Variants in VEPH1 observed in about 807,000 individuals in gnomAD.
The protein encoded by VEPH1 is ventricular zone expressed PH domain containing 1.
VEPH1 carries 80 observed loss-of-function variants against 85.2 expected under a neutral mutation model. The ratio of observed to expected loss-of-function variants is 0.94; its 90% CI spans 0.78 to 1.13. VEPH1 has a LOEUF of 1.13. Ranked by LOEUF, VEPH1 falls within the 50% of genes most tolerant of loss-of-function variation. VEPH1 has a pLI of 0.00. For synonymous variants in VEPH1, 297 were observed against 348.0 expected, an observed-to-expected ratio of 0.85 and a Z score of 1.63; for missense variants, 955 against 980.5, an observed-to-expected ratio of 0.97 and a Z score of 0.35.
chr3:157,375,093 A>G (rs888929459), intron 7 of VEPH1, among the ~76,000 whole-genome samples: 5 of 152,190 alleles, frequency 3.3e-5, no homozygotes, highest in African/African-American at 1.2e-4. Context: ...ATTACGCTCT[A>G]CTATGAAGTT....
At chr3:157,437,997 T>C (rs954048397) in intron 4 of VEPH1, 2 of 1,457,510 alleles carry the variant, frequency 1.4e-6, no homozygotes, top group African/African-American at 3.0e-5. Context: ...CCAGGCAACC[T>C]TCTAGGGGAA....
chr3:157,475,156 T>TTTTTC lies in VEPH1; in HGVS notation c.139-4628_139-4627insGAAAA, dbSNP rs1491229380. Among the ~76,000 whole-genome samples the TTTTTC allele has an allele frequency of 4.4e-5, 3 of 68,460 alleles. No homozygotes were observed. In the East Asian group the frequency reaches 1.5e-3, roughly 34 times the overall value. The allele number at this position is 68,460 out of a possible 152,430, so 44.9% of individuals were successfully genotyped here. ...CACCATTCCCAGCTAATTTTTTTAA[T>TTTTTC]TTTTTTTTTTTTTTTTGTAGAGATG... On this transcript the variant is annotated intron_variant, in intron 2 of 13. Coordinates refer to ENST00000362010, the MANE Select transcript of VEPH1 (RefSeq NM_001167912.2).
chr3:157,481,466 A>ACCC (rs60332684), intron 2 of VEPH1, among the ~76,000 whole-genome samples: 1 of 48,236 alleles, frequency 2.1e-5, no homozygotes, highest in Admixed American at 3.0e-4. Flanking sequence ...ACACACACAC[A>ACCC]AAAAAAAAAA....
chr3:157,448,242 GC>G (rs780947203), intron 4 of VEPH1, among the ~76,000 whole-genome samples: 1 of 151,978 alleles, frequency 6.6e-6, no homozygotes, highest in Non-Finnish European at 1.5e-5. Flanking sequence ...CCAGGTCATT[GC>G]CAGCAAGTAA....
intron 4 of VEPH1, chr3:157,437,165 A>G: frequency 6.9e-7 from 1 of 1,456,534 alleles, no homozygotes; most frequent in Non-Finnish European, 9.5e-7. Flanking sequence ...CAAGTTAAAA[A>G]TTTATAGCTT....
At chr3:157,323,847 A>G (rs765369772) in intron 9 of VEPH1, among the ~76,000 whole-genome samples, 1 of 152,232 alleles carries the variant, frequency 6.6e-6, no homozygotes, top group Non-Finnish European at 1.5e-5. Flanking sequence ...ATATAAAAGC[A>G]TAAGAAAAGG....
intron 4 of VEPH1, among the ~76,000 whole-genome samples, chr3:157,433,812 T>C (rs572463224): frequency 1.1e-4 from 16 of 152,356 alleles, no homozygotes; most frequent in African/African-American, 3.8e-4. Flanking sequence ...ATGTGTTCCT[T>C]GAATGTTTGG....
intron 2 of VEPH1, among the ~76,000 whole-genome samples, chr3:157,476,476 G>A (rs1266333409): frequency 6.6e-6 from 1 of 152,132 alleles, no homozygotes; most frequent in Non-Finnish European, 1.5e-5. Context: ...TACAGCAGTA[G>A]GCACATAATC....
At chr3:157,356,087 A>G (rs1439435417) in intron 9 of VEPH1, among the ~76,000 whole-genome samples, 8 of 152,020 alleles carry the variant, frequency 5.3e-5, no homozygotes, top group African/African-American at 1.9e-4. Context: ...TTTGTAGAGA[A>G]GCAGTTTCAC....
intron 7 of VEPH1, among the ~76,000 whole-genome samples, chr3:157,368,594 C>A (rs1727014290): frequency 6.6e-6 from 1 of 151,998 alleles, no homozygotes; most frequent in Admixed American, 6.6e-5. Flanking sequence ...CGGGTTCATG[C>A]CATTCTCCCA....
chr3:157,375,878 C>T (rs536298745), intron 7 of VEPH1, among the ~76,000 whole-genome samples: 14 of 152,182 alleles, frequency 9.2e-5, no homozygotes, highest in East Asian at 3.9e-4. Flanking sequence ...ACAAAAAAAA[C>T]GCAACATTCA....
At chr3:157,376,615 A>C (rs1332271962) in intron 7 of VEPH1, among the ~76,000 whole-genome samples, 1 of 152,206 alleles carries the variant, frequency 6.6e-6, no homozygotes, top group African/African-American at 2.4e-5. Context: ...TATTATTTAC[A>C]TATAAACATT....
chr3:157,472,740 T>C, intron 2 of VEPH1, among the ~76,000 whole-genome samples: 1 of 152,196 alleles, frequency 6.6e-6, no homozygotes, highest in Non-Finnish European at 1.5e-5. Flanking sequence ...TCTTATCATT[T>C]AGCTCCCACT....
chr3:157,297,731 TAG>T (rs1474472441), intron 11 of VEPH1, among the ~76,000 whole-genome samples: 1 of 151,678 alleles, frequency 6.6e-6, no homozygotes, highest in East Asian at 1.9e-4. Flanking sequence ...ATGAGTTGTG[TAG>T]AAAGGAGGGA....
In VEPH1 at chr3:157,269,642, G is replaced by GTTTTT. The variant is rs11408861; in HGVS notation, c.2129-3985_2129-3981dup. Among the ~76,000 whole-genome samples, 225 of 115,398 alleles carry GTTTTT rather than the reference G, an allele frequency of 1.9e-3. 1 individual carries two copies. Among genetic ancestry groups the GTTTTT allele is most frequent in the African/African-American group, 6.1e-3 (185 of 30,568 alleles). 75.7% of individuals were successfully genotyped at this position (115,398 alleles called of 152,430 possible). A position where few individuals can be genotyped will look rare whatever the true frequency, so the allele number is the denominator to read the frequency against. On this transcript the variant is annotated intron_variant, in intron 12 of 13. Coordinates refer to ENST00000362010, the MANE Select transcript of VEPH1 (RefSeq NM_001167912.2). Reference sequence around the variant, plus strand: ...TTTGTTTTTTGTTTTTGTTTTTGTTGTTTTTTTTTTTTTTTTTTGCTATTA... The same window carrying GTTTTT: ...TTTGTTTTTTGTTTTTGTTTTTGTTGTTTTTTTTTTTTTTTTTTTTTTTGCTATTA...
At chr3:157,312,092 C>G (rs1720174012) in intron 11 of VEPH1, among the ~76,000 whole-genome samples, 1 of 152,118 alleles carries the variant, frequency 6.6e-6, no homozygotes, top group African/African-American at 2.4e-5. Flanking sequence ...GAGACCAGTT[C>G]TGGAGTACTT....
At chr3:157,321,272 T>C (rs1470987906) in intron 9 of VEPH1, among the ~76,000 whole-genome samples, 1 of 152,174 alleles carries the variant, frequency 6.6e-6, no homozygotes, top group Non-Finnish European at 1.5e-5. Context: ...AGAAACTGTA[T>C]TTCTACAATG....
At chr3:157,478,299 A>T (rs933088860) in intron 2 of VEPH1, among the ~76,000 whole-genome samples, 9 of 152,056 alleles carry the variant, frequency 5.9e-5, no homozygotes, top group Non-Finnish European at 1.2e-4. Context: ...TTACAGTGCA[A>T]ATTTTTCCTC....
chr3:157,307,282 C>T (rs1719621847), intron 11 of VEPH1, among the ~76,000 whole-genome samples: 1 of 151,618 alleles, frequency 6.6e-6, no homozygotes, highest in Non-Finnish European at 1.5e-5. Context: ...GTGAACATTC[C>T]CACTTTTTCA....
Sources: gnomAD v4.1 joint callset for allele counts (sites outside exome capture counted in the v4.1 genomes callset) on GRCh38, gnomAD v4.1.1 for gene constraint, MANE v1.5 for transcripts, NCBI Gene and HGNC (gene_info 2026-07-23, HGNC 2026-07-21) for gene names.